The following FHIP1A variants were observed in gnomAD, a reference collection of about 807,000 sequenced individuals.
FHIP1A encodes the protein FHF complex subunit HOOK interacting protein 1A.
In FHIP1A, 61 loss-of-function variants were observed where a neutral mutation model predicts 88.6. The observed-to-expected ratio is 0.69, with a 90% CI of 0.56 to 0.85. The LOEUF is 0.85. Ranked by LOEUF, FHIP1A falls within the 40% of genes least tolerant of loss-of-function variation. The pLI, the probability that FHIP1A is intolerant of heterozygous loss-of-function variation, is 0.00. For missense variants in FHIP1A, 1,154 were observed against 1,273.5 expected, an observed-to-expected ratio of 0.91 and a Z score of 1.43; for synonymous variants, 478 against 496.0, an observed-to-expected ratio of 0.96 and a Z score of 0.48.
At chr4:151,548,298 G>C (rs945202098) in intron 3 of FHIP1A, among the ~76,000 whole-genome samples, 1 of 152,138 alleles carries the variant, frequency 6.6e-6, no homozygotes, top group African/African-American at 2.4e-5. Context: ...TAATAAGCGG[G>C]CTAATTCCAT....
rs547444860 is a variant in FHIP1A at position 151,664,124 on chromosome 4, T to C, written c.*1370T>C. Among the ~76,000 whole-genome samples, 1 of 152,354 alleles carries C rather than the reference T, an allele frequency of 6.6e-6. No homozygotes were observed. The highest frequency in any genetic ancestry group is 2.1e-4 in the South Asian group (1 of 4,822). Reference sequence around the variant, plus strand: ...CCCAGTTCTGCAGGTGCGAAGCAAGTAACGAGCTTGAGCCTGCCTGTTTGG... The same window carrying C: ...CCCAGTTCTGCAGGTGCGAAGCAAGCAACGAGCTTGAGCCTGCCTGTTTGG... On this transcript the variant is annotated 3_prime_UTR_variant, in exon 14 of 14. Transcript: ENST00000435205.
At chr4:151,467,573 C>T (rs1437832950) in intron 2 of FHIP1A, among the ~76,000 whole-genome samples, 1 of 152,082 alleles carries the variant, frequency 6.6e-6, no homozygotes, top group African/African-American at 2.4e-5. Context: ...TGGAACTAAC[C>T]CAAACACCTA....
intron 2 of FHIP1A, among the ~76,000 whole-genome samples, chr4:151,469,171 AT>A (rs2126613669): frequency 6.6e-6 from 1 of 152,296 alleles, no homozygotes; most frequent in African/African-American, 2.4e-5. Context: ...TGTTCACAAG[AT>A]TTGCAGCCAT....
At chr4:151,538,007 G>A (rs1186547213) in intron 3 of FHIP1A, among the ~76,000 whole-genome samples, 1 of 152,176 alleles carries the variant, frequency 6.6e-6, no homozygotes. Context: ...GACCAGGAAG[G>A]ATGGTGGTGA....
intron 1 of FHIP1A, among the ~76,000 whole-genome samples, chr4:151,432,872 G>T (rs968232249): frequency 2.6e-5 from 4 of 152,288 alleles, no homozygotes; most frequent in East Asian, 3.9e-4. Flanking sequence ...TCAAGTGCAG[G>T]GGGAGGGAGA....
At chr4:151,660,492 A>C (rs575127249) in intron 13 of FHIP1A, among the ~76,000 whole-genome samples, 1 of 152,342 alleles carries the variant, frequency 6.6e-6, no homozygotes, top group East Asian at 1.9e-4. Context: ...GGAGTAGGGA[A>C]GACTGATGAG....
At chr4:151,591,306 C>T (rs1734418966) in intron 7 of FHIP1A, among the ~76,000 whole-genome samples, 1 of 152,012 alleles carries the variant, frequency 6.6e-6, no homozygotes, top group Non-Finnish European at 1.5e-5. Context: ...CAGTCATATC[C>T]CATTTCCTGT....
chr4:151,559,357 T>A (rs943576825), intron 3 of FHIP1A, among the ~76,000 whole-genome samples: 1 of 152,336 alleles, frequency 6.6e-6, no homozygotes, highest in East Asian at 1.9e-4. Flanking sequence ...TGGTACAAAG[T>A]TCAAAAAGTC....
intron 7 of FHIP1A, among the ~76,000 whole-genome samples, chr4:151,622,430 C>T (rs927939219): frequency 4.6e-5 from 7 of 152,096 alleles, no homozygotes; most frequent in Admixed American, 1.3e-4. Context: ...AGAAGGGTGT[C>T]GTGGGTGTCT....
intron 1 of FHIP1A, among the ~76,000 whole-genome samples, chr4:151,438,503 TAACTAAAA>T (rs927022562): frequency 3.4e-4 from 52 of 151,804 alleles, no homozygotes; most frequent in African/African-American, 1.2e-3. Context: ...GGGATTTGTT[TAACTAAAA>T]AACAAAAAAA....
chr4:151,525,346 G>T (rs542004956), intron 3 of FHIP1A, among the ~76,000 whole-genome samples: 17 of 152,334 alleles, frequency 1.1e-4, no homozygotes, highest in African/African-American at 4.1e-4. Context: ...AGCAACTTGA[G>T]AAACACATTG....
intron 1 of FHIP1A, among the ~76,000 whole-genome samples, chr4:151,429,742 A>G (rs1179492024): frequency 1.3e-5 from 2 of 151,306 alleles, no homozygotes; most frequent in African/African-American, 4.9e-5. Context: ...CCAGCAGTTC[A>G]GGAGTCTGAG....
intron 3 of FHIP1A, among the ~76,000 whole-genome samples, chr4:151,494,237 A>T (rs1206801622): frequency 6.6e-6 from 1 of 152,052 alleles, no homozygotes; most frequent in Non-Finnish European, 1.5e-5. Context: ...TTGTCATGAA[A>T]TCTTTGCCAG....
At chr4:151,661,019 A>G (rs1208422055) in intron 13 of FHIP1A, among the ~76,000 whole-genome samples, 1 of 152,208 alleles carries the variant, frequency 6.6e-6, no homozygotes, top group African/African-American at 2.4e-5. Flanking sequence ...AATGCCTCTA[A>G]GGCTAGTAAG....
chr4:151,599,267 C>T (rs755185855), intron 7 of FHIP1A, among the ~76,000 whole-genome samples: 13 of 152,122 alleles, frequency 8.5e-5, no homozygotes, highest in South Asian at 6.2e-4. Context: ...ATAAATGGGA[C>T]GGCCCTTATT....
At chr4:151,497,932 T>A (rs1730520718) in intron 3 of FHIP1A, among the ~76,000 whole-genome samples, 1 of 152,210 alleles carries the variant, frequency 6.6e-6, no homozygotes, top group African/African-American at 2.4e-5. Flanking sequence ...TCAGATCAAA[T>A]TCTGCATCCC....
At position 151,656,935 on chromosome 4, in the gene FHIP1A, T is replaced by A; in HGVS notation, c.2869+37T>A. 6.5e-7 allele frequency: 1 copy of A among 1,531,284 alleles called. No homozygotes were observed. The highest frequency in any genetic ancestry group is 8.8e-7 in the Non-Finnish European group (1 of 1,134,670). The allele number at this position is 1,531,284 out of a possible 1,614,324, so 94.9% of individuals were successfully genotyped here. ...TTCTCCACAGCGCCCCTCCTTAAAT[T>A]CCTCCTCCACGTCCCTGGCCTACTG... On this transcript the variant is annotated intron_variant, in intron 13 of 13. Transcript: ENST00000435205. The surrounding 1 kb of genome is among the most constrained non-coding windows in gnomAD (Gnocchi z 4.2).
In FHIP1A at chr4:151,664,026, AT is replaced by A. The variant is rs1737573367; in HGVS notation, c.*1274del. ...ACCACCAAGAGGGGAAAACAGAATA[AT>A]TGTGAGCTGAAAATGAGACCATAAA... On this transcript the variant is annotated 3_prime_UTR_variant, in exon 14 of 14. Transcript: ENST00000435205. Among the ~76,000 whole-genome samples, 1 of 152,212 alleles carries A rather than the reference AT, an allele frequency of 6.6e-6. No individual in the cohort carries two copies.
rs370374898 is a variant in FHIP1A, at chr4:151,411,343, A to ATTC, written c.-356+1879_-356+1880insTCT. The stretch of plus-strand genomic sequence containing the variant: ...AATTGCCTCTGAGGAGTGAAATTAT[A>ATTC]TATATATTTTTTTTTTTTTAAAGTT... On this transcript the variant is annotated intron_variant, in intron 1 of 13. Transcript: ENST00000435205. Among the ~76,000 whole-genome samples, 23 of 112,226 alleles carry ATTC rather than the reference A, an allele frequency of 2.0e-4. 2 individuals carry two copies. The highest frequency in any genetic ancestry group is 3.1e-4 in the East Asian group (1 of 3,214). The allele number at this position is 112,226 out of a possible 152,430, so 73.6% of individuals were successfully genotyped here.
Sources: allele counts gnomAD v4.1 joint callset (sites outside exome capture counted in the v4.1 genomes callset), GRCh38; gene constraint gnomAD v4.1.1; non-coding constraint Gnocchi (gnomAD v3.1); transcripts MANE v1.5; gene names NCBI Gene and HGNC (gene_info 2026-07-23, HGNC 2026-07-21).